NIT2: variants seen among roughly 807,000 people sequenced by gnomAD.
NIT2 encodes nitrilase family member 2.
NIT2 carries 46 observed loss-of-function variants against 42.7 expected under a neutral mutation model. That is an observed-to-expected ratio of 1.08 (90% CI 0.85 to 1.38). The LOEUF is 1.38. Among genes scored for constraint, NIT2 ranks in the 40% most tolerant of loss-of-function variants. The pLI is 0.00. For synonymous variants in NIT2, 123 were observed against 121.9 expected (o/e 1.01, Z -0.06); for missense variants, 309 against 342.5 (o/e 0.90, Z 0.77).
intron 1 of NIT2, among the ~76,000 whole-genome samples, chr3:100,335,325 A>G (rs1706056203): frequency 6.6e-6 from 1 of 152,214 alleles, no homozygotes; most frequent in Non-Finnish European, 1.5e-5. Context: ...AATGATGTTA[A>G]TGATACCTCA....
chr3:100,342,563 AT>A (rs1443710795), intron 4 of NIT2, among the ~76,000 whole-genome samples: 4 of 149,454 alleles, frequency 2.7e-5, no homozygotes, highest in African/African-American at 9.9e-5. Context: ...TATCATATGC[AT>A]CCTTAACTTT....
chr3:100,350,557 G>A (rs1339970882), intron 7 of NIT2, among the ~76,000 whole-genome samples: 1 of 152,204 alleles, frequency 6.6e-6, no homozygotes, highest in Non-Finnish European at 1.5e-5. Flanking sequence ...ACATTTAGGT[G>A]TGTAATTCTT....
Position 100,346,164 on chromosome 3 carries a change from T to C in NIT2, c.431-17T>C. ...GGGAGTTAACTTTTCATTTGTGCAT[T>C]TTCTGTTTGGAAACAGCTTACTGCA... is the stretch of plus-strand genomic sequence containing the variant. On this transcript the variant is annotated splice_polypyrimidine_tract_variant and intron_variant, in intron 5 of 9. Transcript: ENST00000394140. The C allele has an allele frequency of 6.2e-7, 1 of 1,612,600 alleles. No homozygotes were observed. Among genetic ancestry groups the C allele is most frequent in the Non-Finnish European group, 8.5e-7 (1 of 1,178,610 alleles).
At chr3:100,351,158 A>C (rs1706268432) in intron 7 of NIT2, among the ~76,000 whole-genome samples, 1 of 152,220 alleles carries the variant, frequency 6.6e-6, no homozygotes, top group Non-Finnish European at 1.5e-5. Context: ...ATAGTGCTGC[A>C]ATAAACATAT....
At chr3:100,337,357 C>A (rs919623473) in intron 1 of NIT2, among the ~76,000 whole-genome samples, 2 of 152,194 alleles carry the variant, frequency 1.3e-5, no homozygotes, top group Admixed American at 6.5e-5. Context: ...TTTACTGCTG[C>A]GTCCCACCAG....
rs374477401 is a variant in NIT2 at position 100,334,807 on chromosome 3, C to T, written c.7+9C>T. The T allele has an allele frequency of 1.0e-4, 136 of 1,301,908 alleles. No homozygotes were observed. In the African/African-American group the frequency reaches 1.8e-3, roughly 17 times the overall value. The allele number at this position is 1,301,908 out of a possible 1,614,324, so 80.6% of individuals were successfully genotyped here. ...CTGCAGAGTCATGACCTGTAAGTGG[C>T]GCGGCCGCGCGCTGCAGCTCGAGTT... On this transcript the variant is annotated intron_variant, in intron 1 of 9. Coordinates refer to ENST00000394140, the MANE Select transcript of NIT2 (RefSeq NM_020202.5).
intron 3 of NIT2, 84 bp downstream of exon 3, chr3:100,340,019 C>T: frequency 8.5e-7 from 1 of 1,176,262 alleles, no homozygotes; most frequent in Non-Finnish European, 1.2e-6. Flanking sequence ...GCCTGTATTC[C>T]CTACTTGGGA....
chr3:100,337,205 G>T (rs76077161), intron 1 of NIT2, among the ~76,000 whole-genome samples: 2 of 152,146 alleles, frequency 1.3e-5, no homozygotes, highest in African/African-American at 2.4e-5. Flanking sequence ...AGAATTTTTC[G>T]TAGTACAGAA....
chr3:100,354,966 C>G (rs1706311880), intron 9 of NIT2, 139 bp downstream of exon 9: 3 of 827,424 alleles, frequency 3.6e-6, no homozygotes, highest in East Asian at 5.0e-5. Flanking sequence ...ATTCTAGGGT[C>G]TGGTTCTCTG....
intron 1 of NIT2, among the ~76,000 whole-genome samples, chr3:100,335,981 A>G (rs921737103): frequency 5.9e-5 from 9 of 152,340 alleles, no homozygotes; most frequent in African/African-American, 1.9e-4. Flanking sequence ...TGCTGTTCTG[A>G]TAACAGCTCA....
chr3:100,353,887 C>T (rs1331069639), intron 8 of NIT2, among the ~76,000 whole-genome samples: 2 of 151,984 alleles, frequency 1.3e-5, no homozygotes, highest in Non-Finnish European at 2.9e-5. Context: ...AGCCATTCTC[C>T]TGCCTCAGCC....
chr3:100,350,238 A>G (rs1706260002), intron 7 of NIT2, among the ~76,000 whole-genome samples: 1 of 152,200 alleles, frequency 6.6e-6, no homozygotes, highest in South Asian at 2.1e-4. Context: ...TGCCATGAGT[A>G]TCAGTGAAGG....
Position 100,355,811 on chromosome 3 carries a change from A to G in NIT2, c.*543A>G, listed in dbSNP as rs1368114399. On this transcript the variant is annotated 3_prime_UTR_variant, in exon 10 of 10. Coordinates refer to ENST00000394140, the MANE Select transcript of NIT2 (RefSeq NM_020202.5). Reference sequence around the variant, plus strand: ...CTTCAAATTTAAAAAGGAGCTACTTATCAACCCCAGGCCCTTCTGGTCTTA... The same window carrying G: ...CTTCAAATTTAAAAAGGAGCTACTTGTCAACCCCAGGCCCTTCTGGTCTTA... 1 of 152,556 alleles carries G rather than the reference A, an allele frequency of 6.6e-6. No homozygotes were observed. Among genetic ancestry groups the G allele is most frequent in the Non-Finnish European group, 1.5e-5 (1 of 68,242 alleles). 9.5% of individuals were successfully genotyped at this position (152,556 alleles called of 1,614,324 possible). A position where few individuals can be genotyped will look rare whatever the true frequency, so the allele number is the denominator to read the frequency against.
chr3:100,338,566 A>AT (rs911029259), intron 1 of NIT2, among the ~76,000 whole-genome samples: 66 of 152,278 alleles, frequency 4.3e-4, no homozygotes, highest in African/African-American at 1.6e-3. Flanking sequence ...TGGGCTGCTC[A>AT]TGGGAATTAT....
chr3:100,346,828 A>G (rs1305614320), intron 6 of NIT2, among the ~76,000 whole-genome samples: 2 of 152,164 alleles, frequency 1.3e-5, no homozygotes, highest in Non-Finnish European at 2.9e-5. Context: ...CTCAACAAAT[A>G]CCAGCATCCT....
rs376220467 is a variant in NIT2 at position 100,354,863 on chromosome 3, G to A, written c.739+36G>A. ...CCTGGGCATGGTTTAGGTCTCTGAT[G>A]TCCCCATTGTTCTGAGGCCAGACTC... On this transcript the variant is annotated intron_variant, in intron 9 of 9. Coordinates refer to ENST00000394140, the MANE Select transcript of NIT2 (RefSeq NM_020202.5). The A allele has an allele frequency of 7.0e-5, 110 of 1,565,518 alleles. 1 individual carries two copies. The highest frequency in any genetic ancestry group is 5.3e-4 in the South Asian group (47 of 88,504).
Position 100,352,406 on chromosome 3 carries a change from C to T in NIT2, c.587C>T (p.Ala196Val). The change falls in exon 8 of 10, where the codon GCT (alanine) becomes GTT (valine). Residue 196 changes from alanine to valine, a missense_variant and splice_region_variant. Physicochemically the swap from Ala to Val is moderately conservative, Grantham distance 64. Transcript: ENST00000394140. The stretch of plus-strand genomic sequence containing the variant: ...TCTTTCCTGTCTATTGACTACAGGG[C>T]TGTTGATAATCAGGTGTATGTGGCC... ...AHWELLQRSRAVDNQVYVATA... is the reference protein window; with the variant it reads ...AHWELLQRSRVVDNQVYVATA... 1 of 1,611,422 alleles carries T rather than the reference C, an allele frequency of 6.2e-7. No individual in the cohort carries two copies. The highest frequency in any genetic ancestry group is 2.2e-5 in the East Asian group (1 of 44,812).
At chr3:100,343,854 AAT>A (rs1706181985) in intron 4 of NIT2, among the ~76,000 whole-genome samples, 1 of 152,202 alleles carries the variant, frequency 6.6e-6, no homozygotes. Flanking sequence ...AGTATCTACT[AAT>A]TTAAGATTGT....
intron 8 of NIT2, among the ~76,000 whole-genome samples, chr3:100,354,454 T>C (rs1004710782): frequency 6.6e-6 from 1 of 152,206 alleles, no homozygotes; most frequent in Non-Finnish European, 1.5e-5. Context: ...GGTAGCTCTA[T>C]TGCCAGATCT....
Sources: gnomAD v4.1 joint callset for allele counts (sites outside exome capture counted in the v4.1 genomes callset) on GRCh38, gnomAD v4.1.1 for gene constraint, MANE v1.5 for transcripts, NCBI Gene and HGNC (gene_info 2026-07-23, HGNC 2026-07-21) for gene names.